The following RAB3GAP2 variants were observed in gnomAD, a reference collection of about 807,000 sequenced individuals.
RAB3GAP2 encodes rab3 GTPase-activating protein non-catalytic subunit.
In RAB3GAP2, 87 loss-of-function variants were observed where a neutral mutation model predicts 185.3. The observed-to-expected ratio is 0.47, with a 90% CI of 0.39 to 0.56. RAB3GAP2 has a LOEUF of 0.56. RAB3GAP2 is among the 20% of genes least tolerant of loss of function. RAB3GAP2 has a pLI of 0.00. For missense variants in RAB3GAP2, 1,492 were observed against 1,638.2 expected (o/e 0.91, Z 1.54); for synonymous variants, 554 against 576.1 (o/e 0.96, Z 0.55).
At chr1:220,259,256 TAAG>T (rs1660090227) in intron 1 of RAB3GAP2, among the ~76,000 whole-genome samples, 1 of 151,936 alleles carries the variant, frequency 6.6e-6, no homozygotes, top group African/African-American at 2.4e-5. Flanking sequence ...TGGAACCAAA[TAAG>T]AGCCCAAATA....
At chr1:220,192,108 T>C (rs1347592087) in intron 13 of RAB3GAP2, among the ~76,000 whole-genome samples, 2 of 152,204 alleles carry the variant, frequency 1.3e-5, no homozygotes, top group African/African-American at 2.4e-5. Flanking sequence ...AAGATTGCCA[T>C]AGTGGATTTG....
At position 220,193,367 on chromosome 1, in the gene RAB3GAP2, T is replaced by A; in HGVS notation, c.1143A>T (p.Pro381=). ...ATPLAVRFGL[P]DSRRHGESIC... is the part of the protein sequence containing the mutation. ...TGCTTTCACCATGGCGTCTAGAATC[T>A]GGAAGTCCAAATCTGATATTTAAAA... Residue 381 remains proline (P), a synonymous_variant, in exon 13 of 35, where the codon CCA becomes CCT. Coordinates refer to ENST00000358951, the MANE Select transcript of RAB3GAP2 (RefSeq NM_012414.4). 6.2e-7 allele frequency: 1 copy of A among 1,613,808 alleles called. No homozygotes were observed. Among genetic ancestry groups the A allele is most frequent in the East Asian group, 2.2e-5 (1 of 44,824 alleles).
chr1:220,269,307 T>C (rs1660289721), intron 1 of RAB3GAP2, among the ~76,000 whole-genome samples: 1 of 152,120 alleles, frequency 6.6e-6, no homozygotes, highest in Non-Finnish European at 1.5e-5. Flanking sequence ...GCATAAGAAA[T>C]AAGGGGAGAG....
intron 4 of RAB3GAP2, among the ~76,000 whole-genome samples, chr1:220,212,603 C>A (rs1659104533): frequency 1.3e-5 from 2 of 152,046 alleles, no homozygotes; most frequent in Admixed American, 1.3e-4. Context: ...AAGCAATCCT[C>A]CTGCCTCAGC....
chr1:220,169,515 G>A (rs947176869), intron 24 of RAB3GAP2, among the ~76,000 whole-genome samples: 2 of 152,180 alleles, frequency 1.3e-5, no homozygotes, highest in Non-Finnish European at 2.9e-5. Flanking sequence ...GTAAGATTTC[G>A]ATATCCATGA....
chr1:220,206,807 T>A (rs1658976982), intron 7 of RAB3GAP2, among the ~76,000 whole-genome samples: 1 of 152,244 alleles, frequency 6.6e-6, no homozygotes, highest in Non-Finnish European at 1.5e-5. Flanking sequence ...CCTGCCTAAT[T>A]GTTCCTGTCA....
At chr1:220,193,647 G>T (rs770837538) in intron 12 of RAB3GAP2, among the ~76,000 whole-genome samples, 7 of 152,074 alleles carry the variant, frequency 4.6e-5, no homozygotes, top group Admixed American at 1.3e-4. Context: ...AACTATATTT[G>T]ATTAAAAGGC....
intron 1 of RAB3GAP2, among the ~76,000 whole-genome samples, chr1:220,247,974 T>C (rs1659850597): frequency 6.6e-6 from 1 of 151,760 alleles, no homozygotes; most frequent in African/African-American, 2.4e-5. Flanking sequence ...TAAAGAGAAG[T>C]AAATGTAAAC....
In RAB3GAP2 at chr1:220,196,334, T is replaced by A. The variant is rs201135214; in HGVS notation, c.876A>T (p.Ala292=). 4.4e-5 allele frequency: 70 copies of A among 1,609,070 alleles called. No homozygotes were observed. The highest frequency in any genetic ancestry group is 3.3e-5 in the South Asian group (3 of 90,996). ...KTASNIGGFN[A]AIKNSPPAMS... Reference sequence around the variant, plus strand: ...TGGCAGGTGGACTATTTTTAATTGCTGCATTAAATCCACCTATATTGGAGG... The same window carrying A: ...TGGCAGGTGGACTATTTTTAATTGCAGCATTAAATCCACCTATATTGGAGG... Residue 292 remains alanine (A), a synonymous_variant, in exon 10 of 35, where the codon GCA becomes GCT. Transcript: ENST00000358951.
chr1:220,190,049 T>C lies in RAB3GAP2; in HGVS notation c.1714+15A>G. ...AGAACAATATGCTTTATTATTTGTA[T>C]GAGAGAATACCTACCAAGATTGGGA... On this transcript the variant is annotated intron_variant, in intron 16 of 34. Transcript: ENST00000358951. 2 of 1,563,096 alleles carry C rather than the reference T, an allele frequency of 1.3e-6. No homozygotes were observed. Among genetic ancestry groups the C allele is most frequent in the East Asian group, 4.5e-5 (2 of 44,540 alleles).
At chr1:220,246,776 G>A (rs1281453885) in intron 1 of RAB3GAP2, among the ~76,000 whole-genome samples, 6 of 118,802 alleles carry the variant, frequency 5.1e-5, no homozygotes, top group Admixed American at 3.7e-4. Context: ...GTCGTGGGGT[G>A]GGGGGAGGGG....
At chr1:220,233,182 T>C (rs1029458920) in intron 1 of RAB3GAP2, among the ~76,000 whole-genome samples, 3 of 152,142 alleles carry the variant, frequency 2.0e-5, no homozygotes, top group African/African-American at 7.2e-5. Flanking sequence ...GGTGACGTTT[T>C]AAAAATCTAA....
chr1:220,246,483 T>C (rs34558975), intron 1 of RAB3GAP2, among the ~76,000 whole-genome samples: 43,709 of 114,084 alleles, frequency 0.38, 9,696 homozygotes, highest in African/African-American at 0.65. Context: ...ATGTTTATTG[T>C]GGCATTATTC....
chr1:220,197,337 A>G (rs112786079), intron 9 of RAB3GAP2, among the ~76,000 whole-genome samples: 19,087 of 152,086 alleles, frequency 0.13, 1,268 homozygotes, highest in Middle Eastern at 0.18. Context: ...TCATATACAT[A>G]TATTTCAGGC....
intron 2 of RAB3GAP2, among the ~76,000 whole-genome samples, chr1:220,222,632 T>C (rs1311317700): frequency 6.6e-6 from 1 of 152,226 alleles, no homozygotes; most frequent in Non-Finnish European, 1.5e-5. Flanking sequence ...TAACTCTAAC[T>C]CAGTAACTCT....
chr1:220,238,013 T>C (rs1407095267), intron 1 of RAB3GAP2, among the ~76,000 whole-genome samples: 5 of 152,174 alleles, frequency 3.3e-5, no homozygotes, highest in African/African-American at 1.2e-4. Context: ...ATTTTTCATA[T>C]ATACTCTTCA....
In RAB3GAP2 at chr1:220,184,016, T is replaced by C. The variant is rs1282177766; in HGVS notation, c.1998+20A>G. 4 of 1,474,104 alleles carry C rather than the reference T, an allele frequency of 2.7e-6. No homozygotes were observed. The highest frequency in any genetic ancestry group is 3.7e-6 in the Non-Finnish European group (4 of 1,077,842). The allele number at this position is 1,474,104 out of a possible 1,614,324, so 91.3% of individuals were successfully genotyped here. ...ATCAAAGAGATTATTTTATATAATA[T>C]AAAATGTGGGATTACTCACATTATC... On this transcript the variant is annotated intron_variant, in intron 19 of 34. Transcript: ENST00000358951.
intron 1 of RAB3GAP2, chr1:220,266,353 AG>A: frequency 2.5e-6 from 1 of 397,458 alleles, no homozygotes; most frequent in South Asian, 2.3e-5. Flanking sequence ...TAACCGATCG[AG>A]TCAGCACAAA....
chr1:220,220,787 C>G (rs1405983176), intron 2 of RAB3GAP2, among the ~76,000 whole-genome samples: 1 of 152,186 alleles, frequency 6.6e-6, no homozygotes, highest in East Asian at 1.9e-4. Context: ...CCTGCACAAG[C>G]TCTCTTCTCT....
Sources: gnomAD v4.1 joint callset for allele counts (sites outside exome capture counted in the v4.1 genomes callset) on GRCh38, gnomAD v4.1.1 for gene constraint, MANE v1.5 for transcripts, NCBI Gene and HGNC (gene_info 2026-07-23, HGNC 2026-07-21) for gene names.